The following PACRG variants were observed in gnomAD, a reference collection of about 807,000 sequenced individuals.
PACRG encodes the protein parkin coregulated.
A neutral mutation model predicts 29.7 loss-of-function variants in PACRG; 29 were observed. That is an observed-to-expected ratio of 0.98 (90% CI 0.73 to 1.33). PACRG has a LOEUF of 1.33. Ranked by LOEUF, PACRG falls within the 40% of genes most tolerant of loss-of-function variation. The pLI, the probability that PACRG is intolerant of heterozygous loss-of-function variation, is 0.00. For missense variants in PACRG, 279 were observed against 316.2 expected (o/e 0.88, Z 0.89); for synonymous variants, 116 against 118.7 (o/e 0.98, Z 0.15).
At chr6:162,875,245 T>G (rs1392411906) in intron 2 of PACRG, among the ~76,000 whole-genome samples, 1 of 140,430 alleles carries the variant, frequency 7.1e-6, no homozygotes, top group Non-Finnish European at 1.6e-5. Flanking sequence ...GCACAGACAT[T>G]CACACACAGA....
chr6:163,292,106 G>A (rs1483126119), intron 4 of PACRG, among the ~76,000 whole-genome samples: 1 of 152,242 alleles, frequency 6.6e-6, no homozygotes, highest in East Asian at 1.9e-4. Context: ...GGAGAGGGCG[G>A]TGGGGAGGTT....
intron 1 of PACRG, among the ~76,000 whole-genome samples, chr6:162,809,844 GT>G (rs1383060703): frequency 6.6e-6 from 1 of 152,144 alleles, no homozygotes; most frequent in Non-Finnish European, 1.5e-5. Flanking sequence ...TTGTAGTTGA[GT>G]TTCTTAAATG....
intron 4 of PACRG, among the ~76,000 whole-genome samples, chr6:163,140,065 G>A (rs993472261): frequency 1.3e-5 from 2 of 152,146 alleles, no homozygotes; most frequent in African/African-American, 4.8e-5. Flanking sequence ...CTCCCCTTGA[G>A]GATGATCAGC....
intron 2 of PACRG, among the ~76,000 whole-genome samples, chr6:162,839,104 A>G: frequency 7.4e-6 from 1 of 135,754 alleles, no homozygotes; most frequent in Non-Finnish European, 1.5e-5. Flanking sequence ...TTGGGTATAT[A>G]CCCAGTAATG....
chr6:163,086,722 AG>A (rs561904699), intron 3 of PACRG, among the ~76,000 whole-genome samples: 1 of 152,186 alleles, frequency 6.6e-6, no homozygotes, highest in Non-Finnish European at 1.5e-5. Context: ...CTTATATTCT[AG>A]GACTTTTAAC....
intron 4 of PACRG, among the ~76,000 whole-genome samples, chr6:163,263,937 T>C (rs985516770): frequency 1.3e-5 from 2 of 152,314 alleles, no homozygotes; most frequent in East Asian, 1.9e-4. Flanking sequence ...TGTGCTTTTT[T>C]GTTGATGTAA....
chr6:163,075,080 C>T (rs554819765), intron 3 of PACRG, among the ~76,000 whole-genome samples: 1 of 152,122 alleles, frequency 6.6e-6, no homozygotes, highest in East Asian at 1.9e-4. Context: ...TCACACAAAT[C>T]CTACAGACAT....
chr6:163,120,169 A>T (rs963627861), intron 4 of PACRG, among the ~76,000 whole-genome samples: 2 of 152,178 alleles, frequency 1.3e-5, no homozygotes, highest in African/African-American at 4.8e-5. Flanking sequence ...AAATAAGATA[A>T]GAGGGAAAGC....
intron 2 of PACRG, among the ~76,000 whole-genome samples, chr6:162,947,022 A>T (rs918145637): frequency 6.6e-6 from 1 of 151,854 alleles, no homozygotes; most frequent in African/African-American, 2.4e-5. Context: ...CTAACATCAT[A>T]CTAAATGGGC....
chr6:162,794,725 A>G (rs912216488), intron 1 of PACRG, among the ~76,000 whole-genome samples: 6 of 152,160 alleles, frequency 3.9e-5, no homozygotes, highest in African/African-American at 9.7e-5. Context: ...CACCTTTCCC[A>G]TATGATCAAG....
intron 3 of PACRG, among the ~76,000 whole-genome samples, chr6:163,071,743 G>A (rs1001808951): frequency 8.8e-5 from 13 of 146,932 alleles, no homozygotes; most frequent in Non-Finnish European, 1.6e-4. Flanking sequence ...AGATAAAAAA[G>A]GAAACATTAC....
At chr6:162,858,319 TA>T (rs1791575177) in intron 2 of PACRG, among the ~76,000 whole-genome samples, 1 of 152,084 alleles carries the variant, frequency 6.6e-6, no homozygotes, top group South Asian at 2.1e-4. Context: ...GCCACACTTT[TA>T]AACCATCAGA....
intron 2 of PACRG, among the ~76,000 whole-genome samples, chr6:163,045,132 G>T (rs1349411182): frequency 5.9e-5 from 9 of 152,108 alleles, no homozygotes; most frequent in Admixed American, 5.9e-4. Context: ...TAGGGAAGGT[G>T]CCAAGGTGTG....
rs149684390 is a variant in PACRG, at chr6:162,831,621, G to A, written c.291+17340G>A. On this transcript the variant is annotated intron_variant, in intron 2 of 4. Coordinates refer to ENST00000366888, the MANE Select transcript of PACRG (RefSeq NM_001080379.2). Reference sequence around the variant, plus strand: ...AGCACCTAGGAATTCAGCCCAGCAAGCATTAGTTATTTATCCTGATGCTCT... The same window carrying A: ...AGCACCTAGGAATTCAGCCCAGCAAACATTAGTTATTTATCCTGATGCTCT... Among the ~76,000 whole-genome samples, 9 of 152,232 alleles carry A rather than the reference G, an allele frequency of 5.9e-5. No homozygotes were observed. The East Asian group carries it at 1.7e-3, about 29-fold the overall frequency.
chr6:162,985,852 G>A (rs935171714), intron 2 of PACRG, among the ~76,000 whole-genome samples: 45 of 152,050 alleles, frequency 3.0e-4, no homozygotes, highest in African/African-American at 1.1e-3. Flanking sequence ...AATGAATTCA[G>A]CAAAGCTTCA....
In PACRG at chr6:163,314,948, G is replaced by T. The variant is rs1439715490; in HGVS notation, c.735G>T (p.Lys245Asn). 2.5e-6 allele frequency: 4 copies of T among 1,614,188 alleles called. No homozygotes were observed. The highest frequency in any genetic ancestry group is 4.5e-5 in the East Asian group (2 of 44,886). ...YGGENAFINI[K>N]YVVPTYESCL... ...GAGAAAATGCCTTTATCAACATTAA[G>T]TACGTGGTCCCAACCTACGAGTCTT... is the stretch of plus-strand genomic sequence containing the variant. Residue 245 changes from lysine to asparagine, a missense_variant, in exon 5 of 5, where the codon AAG (lysine) becomes AAT (asparagine). By Grantham distance (94) the Lys-to-Asn change is moderately conservative (BLOSUM62 0). Coordinates refer to ENST00000366888, the MANE Select transcript of PACRG (RefSeq NM_001080379.2).
chr6:162,872,618 T>G (rs1277061210), intron 2 of PACRG, among the ~76,000 whole-genome samples: 1 of 152,106 alleles, frequency 6.6e-6, no homozygotes, highest in Non-Finnish European at 1.5e-5. Flanking sequence ...TAATAAAACT[T>G]GTACAGATTA....
chr6:163,194,658 C>CT (rs1177793417), intron 4 of PACRG, among the ~76,000 whole-genome samples: 1 of 152,312 alleles, frequency 6.6e-6, no homozygotes, highest in Non-Finnish European at 1.5e-5. Flanking sequence ...AAGAGGACAG[C>CT]TTTTTTGTAA....
chr6:162,769,992 GC>G (rs1191964760), intron 1 of PACRG, among the ~76,000 whole-genome samples: 1 of 151,612 alleles, frequency 6.6e-6, no homozygotes, highest in African/African-American at 2.4e-5. Flanking sequence ...AGTTTTAGTG[GC>G]CCTCATTATT....
Sources: gnomAD v4.1 joint callset for allele counts (sites outside exome capture counted in the v4.1 genomes callset) on GRCh38, gnomAD v4.1.1 for gene constraint, MANE v1.5 for transcripts, NCBI Gene and HGNC (gene_info 2026-07-23, HGNC 2026-07-21) for gene names.